Variants in PSCA observed in about 807,000 individuals in gnomAD.
PSCA encodes prostate stem cell antigen.
A neutral mutation model predicts 7.9 loss-of-function variants in PSCA; 7 were observed. That is an observed-to-expected ratio of 0.89 (90% confidence interval 0.51 to 1.67). The LOEUF (loss-of-function observed/expected upper bound fraction) is 1.67, where lower values mean the gene tolerates loss of function less well. Ranked by LOEUF, PSCA falls within the 40% of genes most tolerant of loss-of-function variation. The probability of loss-of-function intolerance (pLI) is 0.00; values close to 1 mark genes in which losing one functional copy is unlikely to be tolerated. For missense variants in PSCA, 151 were observed against 147.9 expected, an observed-to-expected ratio of 1.02 and a Z score of -0.11; for synonymous variants, 61 against 68.3, an observed-to-expected ratio of 0.89 and a Z score of 0.53.
chr8:142,678,506 G>A (rs1487175741), upstream of PSCA, among the ~76,000 whole-genome samples: 2 of 152,270 alleles, frequency 1.3e-5, no homozygotes, highest in African/African-American at 2.4e-5. Context: ...GCCAGCAGCA[G>A]GAAGCCACCA....
In PSCA at chr8:142,682,433, C is replaced by T. The variant is rs1270306337; in HGVS notation, c.*301C>T. 1 of 653,830 alleles carries T rather than the reference C, an allele frequency of 1.5e-6. No individual in the cohort carries two copies. The highest frequency in any genetic ancestry group is 2.1e-5 in the Admixed American group (1 of 48,222). 40.5% of individuals were successfully genotyped at this position (653,830 alleles called of 1,614,324 possible). The stretch of plus-strand genomic sequence containing the variant: ...CCACCCTTAACCCTGTGCTCAGGCA[C>T]CTCTTCCCCCAGGAAGCCTTCCCTG... On this transcript the variant is annotated 3_prime_UTR_variant, in exon 3 of 3. Transcript: ENST00000301258.
At position 142,682,506 on chromosome 8, in the gene PSCA, G is replaced by T. The variant is rs782620417; in HGVS notation, c.*374G>T. On this transcript the variant is annotated 3_prime_UTR_variant, in exon 3 of 3. Coordinates refer to ENST00000301258, the MANE Select transcript of PSCA (RefSeq NM_005672.5). ...CCAGGTCTGGTCCGTGGTGTCCCCC[G>T]CACCCAGCAGGGGACAGGCACTCAG... 2.0e-6 allele frequency: 1 copy of T among 510,640 alleles called. No individual in the cohort carries two copies. The highest frequency in any genetic ancestry group is 1.9e-5 in the African/African-American group (1 of 52,380). 31.6% of individuals were successfully genotyped at this position (510,640 alleles called of 1,614,324 possible). A position where few individuals can be genotyped will look rare whatever the true frequency, so the allele number is the denominator to read the frequency against.
intron 2 of PSCA, 113 bp downstream of exon 2, chr8:142,681,547 G>A (rs781801217): frequency 8.7e-5 from 79 of 904,878 alleles, no homozygotes; most frequent in South Asian, 7.5e-4. Context: ...TCCCCGACCC[G>A]TCCCGCACCT....
intron 1 of PSCA, chr8:142,680,953 G>T: frequency 2.2e-6 from 1 of 464,280 alleles, no homozygotes; most frequent in East Asian, 3.8e-5. Context: ...GAGGTGCTGG[G>T]GGTGTCCTGC....
Position 142,682,471 on chromosome 8 carries a change from A to C in PSCA, c.*339A>C. ...GAAGCCTTCCCTGCCCACCCCATCT[A>C]TGACTTGAGCCAGGTCTGGTCCGTG... On this transcript the variant is annotated 3_prime_UTR_variant, in exon 3 of 3. Coordinates refer to ENST00000301258, the MANE Select transcript of PSCA (RefSeq NM_005672.5). 8.7e-6 allele frequency: 5 copies of C among 577,496 alleles called. No homozygotes were observed. Among genetic ancestry groups the C allele is most frequent in the Middle Eastern group, 2.6e-4 (1 of 3,776 alleles). The allele number at this position is 577,496 out of a possible 1,614,324, so 35.8% of individuals were successfully genotyped here.
At chr8:142,677,446 G>T (rs1460151413), upstream of PSCA, among the ~76,000 whole-genome samples, 1 of 152,258 alleles carries the variant, frequency 6.6e-6, no homozygotes, top group Non-Finnish European at 1.5e-5. Context: ...AGTCACCCAC[G>T]TGAGAACCAC....
intron 1 of PSCA, among the ~76,000 whole-genome samples, chr8:142,671,979 C>T (rs1291966449): frequency 6.6e-6 from 1 of 152,140 alleles, no homozygotes; most frequent in Non-Finnish European, 1.5e-5. Flanking sequence ...CCTGGGTGAT[C>T]TCCTCCAGTG....
upstream of PSCA, chr8:142,675,789 G>A (rs1847394185): frequency 6.6e-6 from 1 of 152,232 alleles, no homozygotes; most frequent in Non-Finnish European, 1.5e-5. Context: ...CCAAATGGGG[G>A]CTTGGCACTG....
chr8:142,672,612 A>G (rs1178555207), intron 1 of PSCA, among the ~76,000 whole-genome samples: 1 of 152,212 alleles, frequency 6.6e-6, no homozygotes, highest in African/African-American at 2.4e-5. Context: ...TCTGCTGCTG[A>G]AGCAGCATCA....
At chr8:142,681,562 C>A in intron 2 of PSCA, 128 bp downstream of exon 2, 1 of 768,852 alleles carries the variant, frequency 1.3e-6, no homozygotes, top group Non-Finnish European at 2.2e-6. Flanking sequence ...GCACCTGCAC[C>A]CCCAACAATC....
At chr8:142,675,548 T>C (rs940108188), upstream of PSCA, among the ~76,000 whole-genome samples, 22 of 152,190 alleles carry the variant, frequency 1.4e-4, no homozygotes, top group Non-Finnish European at 2.8e-4. Flanking sequence ...TTTACACACA[T>C]GCTTTTGCTT....
In PSCA at chr8:142,682,148, G is replaced by A. The variant is rs782180463; in HGVS notation, c.*16G>A. Reference sequence around the variant, plus strand: ...CCAGCTCTAGGCTCTGGGGGGCCCCGCTGCAGCCCACACTGGGTGTGGTGC... The same window carrying A: ...CCAGCTCTAGGCTCTGGGGGGCCCCACTGCAGCCCACACTGGGTGTGGTGC... On this transcript the variant is annotated 3_prime_UTR_variant, in exon 3 of 3. Coordinates refer to ENST00000301258, the MANE Select transcript of PSCA (RefSeq NM_005672.5). The A allele has an allele frequency of 1.4e-5, 22 of 1,588,378 alleles. No individual in the cohort carries two copies. Among genetic ancestry groups the A allele is most frequent in the African/African-American group, 4.0e-5 (3 of 74,680 alleles).
At chr8:142,675,852 G>C (rs1847394543), upstream of PSCA, 1 of 152,266 alleles carries the variant, frequency 6.6e-6, no homozygotes, top group Non-Finnish European at 1.5e-5. Context: ...TGATCTGCAA[G>C]GGCGTTTTTC....
chr8:142,681,980 T>C lies in PSCA; in HGVS notation c.193T>C (p.Ser65Pro). 1 of 1,607,900 alleles carries C rather than the reference T, an allele frequency of 6.2e-7. No homozygotes were observed. The change falls in exon 3 of 3, where the codon TCA (serine) becomes CCA (proline). Residue 65 changes from serine to proline, a missense_variant. Transcript: ENST00000301258. ...KGCSLNCVDD[S>P]QDYYVGKKNI... ...CTGCAGCTTGAACTGCGTGGATGAC[T>C]CACAGGACTACTACGTGGGCAAGAA...
At chr8:142,677,901 G>T (rs1480827461), upstream of PSCA, among the ~76,000 whole-genome samples, 1 of 152,184 alleles carries the variant, frequency 6.6e-6, no homozygotes, top group Non-Finnish European at 1.5e-5. Context: ...AGGGAGGCAG[G>T]CAGGAGAGAC....
chr8:142,675,161 A>G (rs1847384506), intron 1 of PSCA, among the ~76,000 whole-genome samples: 1 of 152,106 alleles, frequency 6.6e-6, no homozygotes, highest in East Asian at 1.9e-4. Context: ...GCTGGAAGGG[A>G]AGGGTGTGCC....
upstream of PSCA, chr8:142,680,122 G>A (rs184358363): frequency 9.1e-4 from 189 of 207,654 alleles, no homozygotes; most frequent in African/African-American, 4.1e-3. Flanking sequence ...AGCTTCTATA[G>A]GAGCACAGGG....
In PSCA at chr8:142,681,955, C is replaced by A; in HGVS notation, c.168C>A (p.Gly56=). ...GCCTCCTGACCGTCATCAGCAAAGGCTGCAGCTTGAACTGCGTGGATGACT... is the reference window on the plus strand; with the variant it reads ...GCCTCCTGACCGTCATCAGCAAAGGATGCAGCTTGAACTGCGTGGATGACT... ...AVGLLTVISK[G]CSLNCVDDSQ... Residue 56 remains glycine, a synonymous_variant, in exon 3 of 3, where the codon GGC becomes GGA. Coordinates refer to ENST00000301258, the MANE Select transcript of PSCA (RefSeq NM_005672.5). The A allele has an allele frequency of 6.3e-7, 1 of 1,585,464 alleles. No homozygotes were observed. The highest frequency in any genetic ancestry group is 8.6e-7 in the Non-Finnish European group (1 of 1,164,380).
rs1380699301 is a variant in PSCA at position 142,673,252 on chromosome 8, C to T, written n.261+2684C>T. Among the ~76,000 whole-genome samples the T allele has an allele frequency of 6.6e-6, 1 of 152,146 alleles. No homozygotes were observed. Among genetic ancestry groups the T allele is most frequent in the East Asian group, 1.9e-4 (1 of 5,196 alleles). Reference sequence around the variant, plus strand: ...TTTAACTCCTATTTTTAACTGCCACCTCAGGGACATGGGATCACGTGGTCT... The same window carrying T: ...TTTAACTCCTATTTTTAACTGCCACTTCAGGGACATGGGATCACGTGGTCT... On this transcript the variant is annotated intron_variant and non_coding_transcript_variant, in intron 1 of 1. Coordinates refer to the PSCA transcript ENST00000505305. This position sits in a 1 kb window ranked among gnomAD's most constrained non-coding sequence, Gnocchi z 4.6.
Sources: gnomAD v4.1 joint callset for allele counts (sites outside exome capture counted in the v4.1 genomes callset) on GRCh38, gnomAD v4.1.1 for gene constraint, Gnocchi (gnomAD v3.1) non-coding constraint, MANE v1.5 for transcripts, NCBI Gene and HGNC (gene_info 2026-07-23, HGNC 2026-07-21) for gene names.